Variants in NCOA7 observed in about 807,000 individuals in gnomAD.
NCOA7 encodes 140 kDa estrogen receptor-associated protein.
Under a neutral mutation model 104.3 loss-of-function variants are expected in NCOA7, and 45 were observed. That is an observed-to-expected ratio of 0.43 (90% confidence interval 0.34 to 0.55). NCOA7 has a LOEUF of 0.55. Ranked by LOEUF, NCOA7 falls within the 20% of genes least tolerant of loss-of-function variation. The pLI is 0.02. For synonymous variants in NCOA7, 398 were observed against 402.3 expected, an observed-to-expected ratio of 0.99 and a Z score of 0.13; for missense variants, 1,041 against 1,119.7, an observed-to-expected ratio of 0.93 and a Z score of 1.00.
intron 10 of NCOA7, among the ~76,000 whole-genome samples, chr6:125,906,981 G>T (rs1027442142): frequency 2.4e-4 from 37 of 152,188 alleles, no homozygotes; most frequent in African/African-American, 8.9e-4. Flanking sequence ...CGGAAGGATT[G>T]CTGGGAAGAG....
At chr6:125,808,303 C>T (rs959812262) in intron 1 of NCOA7, among the ~76,000 whole-genome samples, 2 of 152,210 alleles carry the variant, frequency 1.3e-5, no homozygotes, top group African/African-American at 2.4e-5. Flanking sequence ...TGGGACACTC[C>T]TTCCCTTTGA....
chr6:125,803,533 C>T (rs145104261), intron 1 of NCOA7, among the ~76,000 whole-genome samples: 1 of 152,278 alleles, frequency 6.6e-6, no homozygotes, highest in African/African-American at 2.4e-5. Flanking sequence ...GCCACATACT[C>T]TCCATGTAAA....
chr6:125,850,165 T>G (rs1780998352), intron 2 of NCOA7, among the ~76,000 whole-genome samples: 1 of 152,178 alleles, frequency 6.6e-6, no homozygotes, highest in Non-Finnish European at 1.5e-5. Flanking sequence ...TATTCTCCTT[T>G]GTAAAAAGTG....
chr6:125,845,272 T>A (rs1780504666), intron 2 of NCOA7, among the ~76,000 whole-genome samples: 2 of 151,226 alleles, frequency 1.3e-5, no homozygotes, highest in Admixed American at 6.6e-5. Flanking sequence ...CTATCTGATT[T>A]AAAAAAAAAG....
chr6:125,852,298 C>T (rs767725891), intron 2 of NCOA7, among the ~76,000 whole-genome samples: 11 of 152,020 alleles, frequency 7.2e-5, no homozygotes, highest in Non-Finnish European at 1.2e-4. Flanking sequence ...TGGGTTCAAG[C>T]GATTCTCCTG....
At chr6:125,902,757 G>C (rs9491532) in intron 10 of NCOA7, among the ~76,000 whole-genome samples, 24,063 of 152,158 alleles carry the variant, frequency 0.16, 2,141 homozygotes, top group African/African-American at 0.25. Context: ...AAAAGAAACA[G>C]TAAAGCATAT....
At chr6:125,896,143 T>A (rs1397706787) in intron 10 of NCOA7, among the ~76,000 whole-genome samples, 1 of 151,412 alleles carries the variant, frequency 6.6e-6, no homozygotes, top group Non-Finnish European at 1.5e-5. Flanking sequence ...GGATATTAGG[T>A]TCTTTTGAAT....
chr6:125,889,561 C>T lies in NCOA7; in HGVS notation c.1507C>T (p.Pro503Ser). The part of the protein sequence containing the change: ...MPEVDKQSGS[P>S]ESRVENTLNI... ...AGAAGTGGACAAGCAGTCTGGTTCG[C>T]CAGAAAGCCGAGTAGAAAACACACT... Residue 503 changes from proline (P) to serine (S), a missense_variant, in exon 9 of 16, where the codon CCA becomes TCA. This residue lies in a region of NCOA7 where 914 missense variants were observed against 942.7 expected (regional missense o/e 0.97). Coordinates refer to ENST00000392477, the MANE Select transcript of NCOA7 (RefSeq NM_181782.5). 1 of 1,613,894 alleles carries T rather than the reference C, an allele frequency of 6.2e-7. No individual in the cohort carries two copies. The highest frequency in any genetic ancestry group is 2.2e-5 in the East Asian group (1 of 44,846).
chr6:125,828,459 C>T (rs1451690574), intron 2 of NCOA7, among the ~76,000 whole-genome samples: 1 of 152,154 alleles, frequency 6.6e-6, no homozygotes, highest in African/African-American at 2.4e-5. Flanking sequence ...AAGCTTCTAG[C>T]TAATTCTTTT....
Position 125,843,030 on chromosome 6 carries a change from G to A in NCOA7, c.51-11990G>A, listed in dbSNP as rs114141585. Among the ~76,000 whole-genome samples the A allele has an allele frequency of 3.3e-3, 498 of 152,306 alleles. 4 individuals carry two copies. Among genetic ancestry groups the A allele is most frequent in the African/African-American group, 9.9e-3 (413 of 41,572 alleles). On this transcript the variant is annotated intron_variant, in intron 2 of 15. Coordinates refer to ENST00000392477, the MANE Select transcript of NCOA7 (RefSeq NM_181782.5). ...CATAAAAGCTAAGTTAGCCAGTGTG[G>A]TAGGCTGAATAGTGACCCCCAAAGA...
intron 9 of NCOA7, 144 bp downstream of exon 9, chr6:125,890,125 TG>T: frequency 1.6e-6 from 1 of 611,986 alleles, no homozygotes; most frequent in Non-Finnish European, 2.5e-6. Context: ...CATTAACAAT[TG>T]GGGAGAAAAT....
intron 11 of NCOA7, chr6:125,919,260 TAGCTC>T: frequency 1.9e-6 from 3 of 1,610,538 alleles, no homozygotes; most frequent in Non-Finnish European, 2.5e-6. Context: ...AAAACAGTTG[TAGCTC>T]AGCGTGGCTA....
intron 2 of NCOA7, among the ~76,000 whole-genome samples, chr6:125,840,480 A>G (rs796346697): frequency 1.6e-4 from 24 of 152,130 alleles, no homozygotes; most frequent in African/African-American, 5.8e-4. Flanking sequence ...AAGAGCAGCA[A>G]CCATACATGG....
Position 125,929,231 on chromosome 6 carries a change from T to C in NCOA7, c.*460T>C, listed in dbSNP as rs1376337304. On this transcript the variant is annotated 3_prime_UTR_variant, in exon 16 of 16. Coordinates refer to ENST00000392477, the MANE Select transcript of NCOA7 (RefSeq NM_181782.5). ...GAAAGTGCACAGCACTTAAAGGGAA[T>C]ATATGAGGTTTTTTTTTTTTTAAAA... The C allele has an allele frequency of 6.7e-6, 1 of 150,132 alleles. No individual in the cohort carries two copies. The highest frequency in any genetic ancestry group is 1.5e-5 in the Non-Finnish European group (1 of 67,704). 9.3% of individuals were successfully genotyped at this position (150,132 alleles called of 1,614,324 possible). A position where few individuals can be genotyped will look rare whatever the true frequency, so the allele number is the denominator to read the frequency against.
intron 2 of NCOA7, among the ~76,000 whole-genome samples, chr6:125,849,443 C>A (rs1380785143): frequency 6.6e-6 from 1 of 152,180 alleles, no homozygotes; most frequent in Non-Finnish European, 1.5e-5. Flanking sequence ...CTTGGGGAAG[C>A]CCATAGCGTA....
At chr6:125,924,104 A>G (rs943787108) in intron 13 of NCOA7, among the ~76,000 whole-genome samples, 1 of 152,202 alleles carries the variant, frequency 6.6e-6, no homozygotes, top group Non-Finnish European at 1.5e-5. Context: ...TTTAAAAGAG[A>G]CTTAGGAATT....
intron 3 of NCOA7, among the ~76,000 whole-genome samples, chr6:125,868,983 T>G (rs1162320063): frequency 6.6e-6 from 1 of 152,180 alleles, no homozygotes; most frequent in Non-Finnish European, 1.5e-5. Context: ...GGTCCTGATA[T>G]AATTTAAAAA....
chr6:125,931,087 A>G lies in NCOA7; in HGVS notation c.*2316A>G, dbSNP rs1264525615. 6.6e-6 allele frequency: 1 copy of G among 152,650 alleles called. No homozygotes were observed. The highest frequency in any genetic ancestry group is 6.5e-5 in the Admixed American group (1 of 15,282). The allele number at this position is 152,650 out of a possible 1,614,324, so 9.5% of individuals were successfully genotyped here. On this transcript the variant is annotated 3_prime_UTR_variant, in exon 16 of 16. Coordinates refer to ENST00000392477, the MANE Select transcript of NCOA7 (RefSeq NM_181782.5). ...ATGCAGTGCTATCCCAATATTTTCA[A>G]TAAAGGACTTTATGCATTCAGTGAT...
Position 125,861,054 on chromosome 6 carries a change from A to G in NCOA7, c.271+5814A>G, listed in dbSNP as rs543733195. 3.3e-5 allele frequency among the ~76,000 whole-genome samples: 5 copies of G among 152,366 alleles called. No homozygotes were observed. The South Asian group carries it at 8.3e-4, about 25-fold the overall frequency. ...AGATTTATTTAAAGAGAACCTCTGC[A>G]GTACAAAGAATGAATTTAGCTTCCA... On this transcript the variant is annotated intron_variant, in intron 3 of 15. Coordinates refer to ENST00000392477, the MANE Select transcript of NCOA7 (RefSeq NM_181782.5).
Sources: allele counts gnomAD v4.1 joint callset (sites outside exome capture counted in the v4.1 genomes callset), GRCh38; gene constraint gnomAD v4.1.1; regional missense constraint gnomAD v4.1.1; transcripts MANE v1.5; gene names NCBI Gene and HGNC (gene_info 2026-07-23, HGNC 2026-07-21).